CUX2: variants seen among roughly 807,000 people sequenced by gnomAD.
CUX2 encodes cut like homeobox 2.
CUX2 carries 40 observed loss-of-function variants against 144.8 expected under a neutral mutation model. The ratio of observed to expected loss-of-function variants is 0.28; its 90% CI spans 0.21 to 0.36. The LOEUF is 0.36. Among genes scored for constraint, CUX2 ranks in the 10% least tolerant of loss-of-function variants. The pLI is 1.00. For synonymous variants in CUX2, 827 were observed against 875.6 expected, an observed-to-expected ratio of 0.94 and a Z score of 0.98; for missense variants, 1,615 against 1,994.0, an observed-to-expected ratio of 0.81 and a Z score of 3.62.
At position 111,348,142 on chromosome 12, in the gene CUX2, C is replaced by T. The variant is rs551398013; in HGVS notation, c.4278C>T (p.Gly1426=). 1.6e-5 allele frequency: 26 copies of T among 1,614,068 alleles called. No individual in the cohort carries two copies. The highest frequency in any genetic ancestry group is 6.7e-5 in the East Asian group (3 of 44,888). ...CTCCCATCTCCCCATCCCCACCTGG[C>T]GCCCCCCCTGCCAAAGTGCCGAGTG... ...SSAPISPSPP[G]APPAKVPSAS... is the part of the protein sequence containing the mutation. The change falls in exon 22 of 22, where the codon GGC becomes GGT. Residue 1426 remains glycine (G), a synonymous_variant. Transcript: ENST00000261726.
At chr12:111,155,923 T>TAA (rs61020614) in intron 1 of CUX2, among the ~76,000 whole-genome samples, 1 of 144,628 alleles carries the variant, frequency 6.9e-6, no homozygotes, top group South Asian at 2.2e-4. Context: ...GCTTAAAAAA[T>TAA]AAAAAAAAAA....
intron 1 of CUX2, among the ~76,000 whole-genome samples, chr12:111,078,781 T>C (rs771662445): frequency 6.6e-6 from 1 of 152,022 alleles, no homozygotes; most frequent in Non-Finnish European, 1.5e-5. Flanking sequence ...ATGGAAAAGG[T>C]CACTCAGAGG....
intron 1 of CUX2, among the ~76,000 whole-genome samples, chr12:111,195,149 T>C (rs1270206371): frequency 6.6e-6 from 1 of 152,248 alleles, no homozygotes; most frequent in East Asian, 1.9e-4. Flanking sequence ...AGGCCTTTTC[T>C]GTATTTTGTT....
intron 3 of CUX2, among the ~76,000 whole-genome samples, chr12:111,253,958 G>C (rs560095809): frequency 6.6e-6 from 1 of 152,042 alleles, no homozygotes; most frequent in East Asian, 1.9e-4. Context: ...TCGAACTCCT[G>C]ACCTCAGGCG....
chr12:111,317,678 ATTT>A (rs1887267013), intron 16 of CUX2, among the ~76,000 whole-genome samples: 1 of 152,070 alleles, frequency 6.6e-6, no homozygotes, highest in African/African-American at 2.4e-5. Flanking sequence ...TGTTTATGTT[ATTT>A]GTTATGGAAC....
chr12:111,287,451 C>T lies in CUX2; in HGVS notation c.302-3967C>T, dbSNP rs973296506. ...TCAAAAACCGGGACACAATAGGAAG[C>T]GTTTCCTTGAACTTATTAAAAAATC... On this transcript the variant is annotated intron_variant, in intron 4 of 21. Transcript: ENST00000261726. The surrounding 1 kb of genome is among the most constrained non-coding windows in gnomAD (Gnocchi z 4.2). Among the ~76,000 whole-genome samples, 4 of 152,242 alleles carry T rather than the reference C, an allele frequency of 2.6e-5. No individual in the cohort carries two copies. Among genetic ancestry groups the T allele is most frequent in the Non-Finnish European group, 4.4e-5 (3 of 68,052 alleles).
intron 1 of CUX2, among the ~76,000 whole-genome samples, chr12:111,211,065 G>A (rs185829837): frequency 6.6e-6 from 1 of 152,298 alleles, no homozygotes; most frequent in East Asian, 1.9e-4. Context: ...ATGAGATGAT[G>A]TATGTTAGGA....
intron 1 of CUX2, among the ~76,000 whole-genome samples, chr12:111,195,711 A>C (rs1047085336): frequency 6.6e-6 from 1 of 152,202 alleles, no homozygotes. Flanking sequence ...CCCAACACTA[A>C]GGACTTGTCC....
Position 111,308,418 on chromosome 12 carries a change from G to A in CUX2, c.1159-9G>A. On this transcript the variant is annotated splice_polypyrimidine_tract_variant and intron_variant, in intron 13 of 21. Coordinates refer to ENST00000261726, the MANE Select transcript of CUX2 (RefSeq NM_015267.4). ...CAGGTGCCCTCTCAACCTGCCTCTTGTCTCCTAGGGCATGGCCAAGCCTGA... is the reference window on the plus strand; with the variant it reads ...CAGGTGCCCTCTCAACCTGCCTCTTATCTCCTAGGGCATGGCCAAGCCTGA... The A allele has an allele frequency of 1.2e-6, 2 of 1,614,068 alleles. No homozygotes were observed. Among genetic ancestry groups the A allele is most frequent in the South Asian group, 1.1e-5 (1 of 91,078 alleles).
chr12:111,292,886 G>A (rs958677841), intron 5 of CUX2, among the ~76,000 whole-genome samples: 4 of 152,158 alleles, frequency 2.6e-5, no homozygotes, highest in African/African-American at 9.7e-5. Flanking sequence ...ACTTTGGGAG[G>A]CCAAGGCGGG....
intron 1 of CUX2, among the ~76,000 whole-genome samples, chr12:111,081,841 G>A (rs1378830645): frequency 1.3e-5 from 2 of 152,294 alleles, no homozygotes; most frequent in East Asian, 1.9e-4. Flanking sequence ...TCCGCCTGCT[G>A]GTGACTGCAT....
At chr12:111,042,590 GA>G (rs1469735282) in intron 1 of CUX2, among the ~76,000 whole-genome samples, 1 of 152,126 alleles carries the variant, frequency 6.6e-6, no homozygotes, top group Non-Finnish European at 1.5e-5. Flanking sequence ...ATAAAATGGG[GA>G]TAATAGTAGT....
intron 4 of CUX2, among the ~76,000 whole-genome samples, chr12:111,276,638 T>C (rs186980083): frequency 6.7e-6 from 1 of 148,772 alleles, no homozygotes; most frequent in East Asian, 1.9e-4. Context: ...TTTGTTTGTT[T>C]GTTTGTTTGT....
In CUX2 at chr12:111,263,820, G is replaced by A; in HGVS notation, c.282G>A (p.Lys94=). Residue 94 remains lysine (K), a synonymous_variant, in exon 4 of 22, where the codon AAG becomes AAA. Transcript: ENST00000261726. The surrounding 1 kb of genome is among the most constrained non-coding windows in gnomAD (Gnocchi z 4.0). ...EAEAAFLSVY[K]QLIEAPDPVP... ...AGGCTGCTTTTCTGAGTGTTTACAA[G>A]CAATTAATTGAAGCACCAGGTAAGA... 1 of 1,614,090 alleles carries A rather than the reference G, an allele frequency of 6.2e-7. No individual in the cohort carries two copies. Among genetic ancestry groups the A allele is most frequent in the Non-Finnish European group, 8.5e-7 (1 of 1,179,928 alleles).
chr12:111,318,243 T>C (rs1333708767), intron 16 of CUX2, among the ~76,000 whole-genome samples: 2 of 120,440 alleles, frequency 1.7e-5, no homozygotes, highest in Admixed American at 8.2e-5. Flanking sequence ...TTTTTCTTTT[T>C]TCTTTTTTTT....
chr12:111,272,643 T>C (rs1359056195), intron 4 of CUX2, among the ~76,000 whole-genome samples: 1 of 152,094 alleles, frequency 6.6e-6, no homozygotes, highest in Non-Finnish European at 1.5e-5. Flanking sequence ...TTTGTATTTT[T>C]AGTAGAGACA....
intron 1 of CUX2, among the ~76,000 whole-genome samples, chr12:111,103,105 T>C (rs975493394): frequency 2.0e-5 from 3 of 151,890 alleles, no homozygotes; most frequent in African/African-American, 7.3e-5. Context: ...TGGATGGGGG[T>C]GAAGCTTTTT....
intron 1 of CUX2, among the ~76,000 whole-genome samples, chr12:111,138,100 C>G (rs1876038584): frequency 6.6e-6 from 1 of 152,228 alleles, no homozygotes; most frequent in African/African-American, 2.4e-5. Flanking sequence ...CCCTTTACCC[C>G]TCCCACAGAG....
chr12:111,075,481 A>G (rs1041608001), intron 1 of CUX2, among the ~76,000 whole-genome samples: 1 of 152,028 alleles, frequency 6.6e-6, no homozygotes, highest in Admixed American at 6.6e-5. Flanking sequence ...GCTGTTTGCG[A>G]TGGGATAAGC....
Sources: allele counts gnomAD v4.1 joint callset (sites outside exome capture counted in the v4.1 genomes callset), GRCh38; gene constraint gnomAD v4.1.1; non-coding constraint Gnocchi (gnomAD v3.1); transcripts MANE v1.5; gene names NCBI Gene and HGNC (gene_info 2026-07-23, HGNC 2026-07-21).